The following IFT56 variants were observed in gnomAD, a reference collection of about 807,000 sequenced individuals.
IFT56 encodes intraflagellar transport 56, also known as intraflagellar transport protein 56.
chr7:139,167,337 T>C, the IFT56 span, among the ~76,000 whole-genome samples: 1 of 152,214 alleles, frequency 6.6e-6, no homozygotes, highest in South Asian at 2.1e-4. Flanking sequence ...TAGTAAACAT[T>C]CCATTTATTG....
chr7:139,152,739 T>G, the IFT56 span, among the ~76,000 whole-genome samples: 1 of 152,364 alleles, frequency 6.6e-6, no homozygotes, highest in Middle Eastern at 3.4e-3. Context: ...TTTATTGAGA[T>G]ATAATTAACA....
chr7:139,159,559 T>C, the IFT56 span, among the ~76,000 whole-genome samples: 3 of 152,230 alleles, frequency 2.0e-5, no homozygotes, highest in Non-Finnish European at 1.5e-5. Flanking sequence ...TCCCACCTTG[T>C]GCTGGTATTG....
the IFT56 span, among the ~76,000 whole-genome samples, chr7:139,140,735 A>G: frequency 7.9e-6 from 1 of 127,378 alleles, no homozygotes; most frequent in East Asian, 2.4e-4. Flanking sequence ...AGATCGCGCC[A>G]TTGCACTCCA....
the IFT56 span, chr7:139,178,381 A>G: frequency 6.9e-7 from 1 of 1,455,628 alleles, no homozygotes; most frequent in Middle Eastern, 1.8e-4. Flanking sequence ...ACCCTTAGAG[A>G]TGGCCCATTT....
chr7:139,133,843 A>G, the IFT56 span: 5 of 1,614,238 alleles, frequency 3.1e-6, no homozygotes, highest in South Asian at 1.1e-5. Context: ...GGGGACTCAC[A>G]AGACCGACGT....
the IFT56 span, among the ~76,000 whole-genome samples, chr7:139,176,307 T>C: frequency 6.6e-6 from 1 of 152,128 alleles, no homozygotes; most frequent in Non-Finnish European, 1.5e-5. Flanking sequence ...TATCAAAATA[T>C]ACTGGATATC....
At chr7:139,137,758 T>TC in the IFT56 span, 103 of 995,086 alleles carry the variant, frequency 1.0e-4, no homozygotes, top group South Asian at 1.4e-3. Flanking sequence ...GATTGCCTGT[T>TC]GTCAGTAACC....
the IFT56 span, among the ~76,000 whole-genome samples, chr7:139,144,779 T>C: frequency 3.3e-5 from 5 of 152,120 alleles, no homozygotes; most frequent in Non-Finnish European, 5.9e-5. Context: ...TTTTAGAATT[T>C]ACATTTTATT....
At chr7:139,137,236 A>C in the IFT56 span, among the ~76,000 whole-genome samples, 2 of 152,252 alleles carry the variant, frequency 1.3e-5, no homozygotes, top group African/African-American at 2.4e-5. Flanking sequence ...TGAGGAATTC[A>C]TAAATATTTG....
chr7:139,184,370 A>G, the IFT56 span, among the ~76,000 whole-genome samples: 2 of 152,230 alleles, frequency 1.3e-5, no homozygotes, highest in Non-Finnish European at 2.9e-5. Context: ...GAACAGGAGC[A>G]AGCTATTGGA....
the IFT56 span, chr7:139,146,911 C>A: frequency 8.2e-7 from 1 of 1,212,362 alleles, no homozygotes; most frequent in Non-Finnish European, 1.1e-6. Context: ...ATAGTATTAA[C>A]TGTAACCTAA....
the IFT56 span, among the ~76,000 whole-genome samples, chr7:139,178,990 T>C: frequency 2.0e-5 from 3 of 152,248 alleles, no homozygotes; most frequent in Non-Finnish European, 4.4e-5. Flanking sequence ...ATATAACGTA[T>C]GTACAGAAAA....
the IFT56 span, chr7:139,161,124 T>C: frequency 9.7e-7 from 1 of 1,033,180 alleles, no homozygotes; most frequent in Non-Finnish European, 1.4e-6. Flanking sequence ...CAGCAAGTAA[T>C]GCTTTACTCC....
chr7:139,145,467 C>T, the IFT56 span, among the ~76,000 whole-genome samples: 2 of 151,986 alleles, frequency 1.3e-5, no homozygotes, highest in Non-Finnish European at 2.9e-5. Flanking sequence ...CCCCGTCACC[C>T]AGGCTGGAGT....
At chr7:139,181,961 G>A in the IFT56 span, among the ~76,000 whole-genome samples, 9 of 152,276 alleles carry the variant, frequency 5.9e-5, no homozygotes, top group South Asian at 1.7e-3. Flanking sequence ...AAAATGTAAA[G>A]TGAGAAGAGG....
the IFT56 span, among the ~76,000 whole-genome samples, chr7:139,180,623 T>A: frequency 9.3e-5 from 14 of 151,272 alleles, no homozygotes; most frequent in Non-Finnish European, 1.5e-4. Context: ...GGCACGAGAA[T>A]CACTTAACCT....
the IFT56 span, among the ~76,000 whole-genome samples, chr7:139,159,808 T>A: frequency 7.2e-5 from 11 of 152,194 alleles, no homozygotes; most frequent in Admixed American, 6.5e-5. Flanking sequence ...TTTTAAACTT[T>A]AAAAAAATTT....
the IFT56 span, among the ~76,000 whole-genome samples, chr7:139,162,670 A>T: frequency 6.6e-6 from 1 of 152,214 alleles, no homozygotes; most frequent in East Asian, 1.9e-4. Flanking sequence ...AAATGAAAGT[A>T]CTTATTTTGG....
the IFT56 span, among the ~76,000 whole-genome samples, chr7:139,177,501 G>A: frequency 1.3e-5 from 2 of 151,680 alleles, no homozygotes; most frequent in African/African-American, 4.8e-5. Context: ...AATTTTCTGT[G>A]GTGGCATTAG....
Sources: gnomAD v4.1 joint callset for allele counts (sites outside exome capture counted in the v4.1 genomes callset) on GRCh38, gnomAD v4.1.1 for gene constraint, MANE v1.5 for transcripts, NCBI Gene and HGNC (gene_info 2026-07-23, HGNC 2026-07-21) for gene names.